The following NME7 variants were observed in gnomAD, a reference collection of about 807,000 sequenced individuals.
The protein encoded by NME7 is NME/NM23 family member 7.
A neutral mutation model predicts 49.1 loss-of-function variants in NME7; 41 were observed. The ratio of observed to expected loss-of-function variants is 0.83; its 90% CI spans 0.65 to 1.08. The LOEUF is 1.08. NME7 is among the 50% of genes least tolerant of loss of function. NME7 has a pLI of 0.00. For synonymous variants in NME7, 139 were observed against 150.6 expected (o/e 0.92, Z 0.56); for missense variants, 423 against 463.4 (o/e 0.91, Z 0.80).
chr1:169,365,400 G>GC (rs1443340469), intron 1 of NME7, among the ~76,000 whole-genome samples: 12 of 152,200 alleles, frequency 7.9e-5, no homozygotes, highest in Non-Finnish European at 1.8e-4. Flanking sequence ...GAACACGTTG[G>GC]CCTGTAATAG....
chr1:169,154,344 A>G (rs1659002289), intron 11 of NME7, among the ~76,000 whole-genome samples: 1 of 152,168 alleles, frequency 6.6e-6, no homozygotes, highest in East Asian at 1.9e-4. Context: ...ATACCTGGTG[A>G]AATGACTGCG....
At chr1:169,191,266 A>C (rs1035949264) in intron 10 of NME7, among the ~76,000 whole-genome samples, 44 of 152,004 alleles carry the variant, frequency 2.9e-4, no homozygotes, top group African/African-American at 9.4e-4. Flanking sequence ...TCAACAATGC[A>C]CTCTTCCTCT....
At chr1:169,234,715 C>G (rs1409189704) in intron 9 of NME7, among the ~76,000 whole-genome samples, 2 of 151,962 alleles carry the variant, frequency 1.3e-5, no homozygotes, top group African/African-American at 4.8e-5. Flanking sequence ...GCATCTGACT[C>G]TACAGAGGGG....
At chr1:169,216,288 C>G (rs1398646603) in intron 10 of NME7, among the ~76,000 whole-genome samples, 2 of 152,160 alleles carry the variant, frequency 1.3e-5, no homozygotes, top group African/African-American at 2.4e-5. Flanking sequence ...GCTCTACTTC[C>G]TAACTTTTCG....
chr1:169,350,286 G>GAAGGAAGGAAGGAAGGAAGGAAGA, intron 1 of NME7, among the ~76,000 whole-genome samples: 1 of 151,380 alleles, frequency 6.6e-6, no homozygotes, highest in Admixed American at 6.6e-5. Flanking sequence ...AGGAAGGAAG[G>GAAGGAAGGAAGGAAGGAAGGAAGA]AAAGAGCCCT....
Position 169,138,101 on chromosome 1 carries a change from A to G in NME7, c.1099-5284T>C, listed in dbSNP as rs576851457. On this transcript the variant is annotated intron_variant, in intron 11 of 11. Coordinates refer to ENST00000367811, the MANE Select transcript of NME7 (RefSeq NM_013330.5). The stretch of plus-strand genomic sequence containing the variant: ...CTAGGCGGGTGGATCACCTGAGGTC[A>G]GGAGTTTGAGACCAGCCTGGCCAAC... Among the ~76,000 whole-genome samples the G allele has an allele frequency of 8.7e-3, 1,328 of 152,156 alleles. 16 individuals are homozygous for G. Among genetic ancestry groups the G allele is most frequent in the African/African-American group, 0.03 (1,265 of 41,500 alleles).
chr1:169,265,397 A>G (rs1649288183), intron 7 of NME7, among the ~76,000 whole-genome samples: 1 of 133,658 alleles, frequency 7.5e-6, no homozygotes. Flanking sequence ...GTAAATAATG[A>G]AATTAAGGCA....
At chr1:169,135,014 C>CAAAAAAAAAAAAAAA (rs58463903) in intron 11 of NME7, among the ~76,000 whole-genome samples, 12 of 50,388 alleles carry the variant, frequency 2.4e-4, no homozygotes, top group Admixed American at 4.7e-4. Context: ...CCCGTCTCTA[C>CAAAAAAAAAAAAAAA]AAAAAAAAAA....
At chr1:169,253,870 G>T (rs1299249600) in intron 7 of NME7, among the ~76,000 whole-genome samples, 1 of 150,800 alleles carries the variant, frequency 6.6e-6, no homozygotes, top group Non-Finnish European at 1.5e-5. Flanking sequence ...TACATTTATT[G>T]ATTTGTGTAT....
intron 6 of NME7, 99 bp downstream of exon 6, chr1:169,298,457 T>C (rs538279520): frequency 8.1e-7 from 1 of 1,234,514 alleles, no homozygotes; most frequent in African/African-American, 1.5e-5. Flanking sequence ...AGCAGCAGCA[T>C]AAATCCACCC....
Position 169,305,787 on chromosome 1 carries a change from C to T in NME7, c.390-2592G>A, listed in dbSNP as rs1189012183. On this transcript the variant is annotated intron_variant, in intron 4 of 11. Transcript: ENST00000367811. ...CTGTAGGATATGGAGGCAAGGAGAA[C>T]CAATATAAACACAATGCTCATGCTG... Among the ~76,000 whole-genome samples the T allele has an allele frequency of 3.3e-5, 5 of 152,204 alleles. No homozygotes were observed. The East Asian group carries it at 9.6e-4, about 29-fold the overall frequency.
At chr1:169,278,648 T>C (rs12084957) in intron 7 of NME7, among the ~76,000 whole-genome samples, 57,325 of 152,064 alleles carry the variant, frequency 0.38, 11,523 homozygotes, top group East Asian at 0.79. Context: ...TCCTATAGCT[T>C]GCAGTAGTTT....
intron 1 of NME7, among the ~76,000 whole-genome samples, chr1:169,342,652 GTACATATATATA>G (rs1652777267): frequency 5.6e-5 from 2 of 35,936 alleles, no homozygotes; most frequent in Admixed American, 4.2e-4. Context: ...ATATATACAA[GTACATATATATA>G]TAGTATATAT....
In NME7 at chr1:169,255,945, A is replaced by G. The variant is rs1648911090; in HGVS notation, c.755-18258T>C. Among the ~76,000 whole-genome samples, 3 of 133,346 alleles carry G rather than the reference A, an allele frequency of 2.2e-5. 1 individual carries two copies. Among genetic ancestry groups the G allele is most frequent in the Non-Finnish European group, 3.5e-5 (2 of 56,790 alleles). The allele number at this position is 133,346 out of a possible 152,430, so 87.5% of individuals were successfully genotyped here. ...TGCCGAGAGATCCACTGTTAGTCTG[A>G]TGGGCTTTCCTTTGAGGGTAACCCG... On this transcript the variant is annotated intron_variant, in intron 7 of 11. Coordinates refer to ENST00000367811, the MANE Select transcript of NME7 (RefSeq NM_013330.5).
At chr1:169,267,083 A>C (rs1029192659) in intron 7 of NME7, among the ~76,000 whole-genome samples, 2 of 133,198 alleles carry the variant, frequency 1.5e-5, no homozygotes, top group African/African-American at 5.1e-5. Context: ...ACAAACGAAC[A>C]AACAAAAACA....
At chr1:169,359,768 G>A (rs993830152) in intron 1 of NME7, among the ~76,000 whole-genome samples, 6 of 151,958 alleles carry the variant, frequency 3.9e-5, no homozygotes, top group Non-Finnish European at 7.4e-5. Flanking sequence ...GAGCTCTAGA[G>A]CCATTATGTG....
intron 9 of NME7, among the ~76,000 whole-genome samples, chr1:169,232,927 T>A (rs1370104922): frequency 1.4e-3 from 201 of 142,146 alleles, no homozygotes; most frequent in Middle Eastern, 3.5e-3. Flanking sequence ...TTTTTTTTTT[T>A]TTTTTTTTTT....
chr1:169,335,235 T>C (rs1426412870), intron 1 of NME7, among the ~76,000 whole-genome samples: 1 of 152,146 alleles, frequency 6.6e-6, no homozygotes, highest in Non-Finnish European at 1.5e-5. Flanking sequence ...TATAAATTAT[T>C]CTACTATAAA....
At chr1:169,332,827 C>T (rs1415918988) in intron 1 of NME7, among the ~76,000 whole-genome samples, 2 of 152,032 alleles carry the variant, frequency 1.3e-5, no homozygotes, top group African/African-American at 4.8e-5. Flanking sequence ...ATAAAAAATG[C>T]TGGTGAGGAT....
Sources: gnomAD v4.1 joint callset for allele counts (sites outside exome capture counted in the v4.1 genomes callset) on GRCh38, gnomAD v4.1.1 for gene constraint, MANE v1.5 for transcripts, NCBI Gene and HGNC (gene_info 2026-07-23, HGNC 2026-07-21) for gene names.